Variants in PIK3AP1 observed in about 807,000 individuals in gnomAD.
The protein encoded by PIK3AP1 is phosphoinositide 3-kinase adapter protein 1.
PIK3AP1 carries 21 observed loss-of-function variants against 88.1 expected under a neutral mutation model. The ratio of observed to expected loss-of-function variants is 0.24; its 90% confidence interval spans 0.17 to 0.34. PIK3AP1 has a LOEUF of 0.34. Ranked by LOEUF, PIK3AP1 falls within the 10% of genes least tolerant of loss-of-function variation. PIK3AP1 has a pLI of 1.00. For missense variants in PIK3AP1, 828 were observed against 1,035.7 expected, an observed-to-expected ratio of 0.80 and a Z score of 2.75; for synonymous variants, 398 against 400.0, an observed-to-expected ratio of 1.00 and a Z score of 0.06.
At chr10:96,629,643 C>T (rs769950237) in intron 8 of PIK3AP1, among the ~76,000 whole-genome samples, 18 of 134,854 alleles carry the variant, frequency 1.3e-4, no homozygotes, top group Non-Finnish European at 2.0e-4. Context: ...TTTGGGAGGC[C>T]AAGGCAGAAG....
At chr10:96,707,349 G>A (rs1844377755) in intron 2 of PIK3AP1, among the ~76,000 whole-genome samples, 1 of 152,222 alleles carries the variant, frequency 6.6e-6, no homozygotes, top group African/African-American at 2.4e-5. Context: ...CTGGAGTGCA[G>A]TGGCACAATT....
intron 12 of PIK3AP1, among the ~76,000 whole-genome samples, chr10:96,617,674 A>T (rs1304588449): frequency 2.0e-5 from 3 of 152,208 alleles, no homozygotes; most frequent in African/African-American, 7.2e-5. Context: ...GAGCAGATGC[A>T]AGAGGACAAA....
rs114672012 is a variant in PIK3AP1, at chr10:96,676,303, C to T, written c.431-19369G>A. On this transcript the variant is annotated intron_variant, in intron 2 of 16. Transcript: ENST00000339364. ...TCTTTGCTTGTCTTTATCTGTGTGA[C>T]CTTGCTTTTTTTTTTTTTTTTTTGA... is the stretch of plus-strand genomic sequence containing the variant. Among the ~76,000 whole-genome samples, 648 of 147,302 alleles carry T rather than the reference C, an allele frequency of 4.4e-3. 6 individuals carry two copies. The highest frequency in any genetic ancestry group is 0.016 in the African/African-American group (620 of 38,132).
At chr10:96,682,077 T>C (rs761701302) in intron 2 of PIK3AP1, among the ~76,000 whole-genome samples, 5 of 151,410 alleles carry the variant, frequency 3.3e-5, no homozygotes, top group Non-Finnish European at 5.9e-5. Flanking sequence ...TGCACACAAA[T>C]ACTAGAGAAT....
intron 14 of PIK3AP1, among the ~76,000 whole-genome samples, chr10:96,604,380 T>G (rs11188851): frequency 1.6e-5 from 1 of 63,702 alleles, no homozygotes; most frequent in African/African-American, 5.6e-5. Flanking sequence ...TTTTTTTTTG[T>G]AGCAACAGGA....
chr10:96,664,941 C>T (rs1843741619), intron 2 of PIK3AP1, among the ~76,000 whole-genome samples: 1 of 142,612 alleles, frequency 7.0e-6, no homozygotes, highest in Non-Finnish European at 1.6e-5. Flanking sequence ...ATAAGCACTG[C>T]TCTTACCCAC....
intron 2 of PIK3AP1, among the ~76,000 whole-genome samples, chr10:96,667,527 C>T (rs962292552): frequency 2.6e-5 from 4 of 152,176 alleles, no homozygotes; most frequent in Non-Finnish European, 5.9e-5. Context: ...TCTAAGTACA[C>T]TGTCCAAGTC....
chr10:96,628,501 G>T lies in PIK3AP1; in HGVS notation c.1376-8C>A. The stretch of plus-strand genomic sequence containing the variant: ...CCTGAAGCATTTCAACATCTAGAAG[G>T]AAAAGGAGACTAAGAGTTATATATT... On this transcript the variant is annotated splice_polypyrimidine_tract_variant and splice_region_variant and intron_variant, in intron 8 of 16. Coordinates refer to ENST00000339364, the MANE Select transcript of PIK3AP1 (RefSeq NM_152309.3). 2.5e-6 allele frequency: 4 copies of T among 1,597,178 alleles called. No homozygotes were observed. The highest frequency in any genetic ancestry group is 3.4e-6 in the Non-Finnish European group (4 of 1,164,654).
chr10:96,712,756 C>A (rs1021180797), intron 1 of PIK3AP1, among the ~76,000 whole-genome samples: 1 of 152,196 alleles, frequency 6.6e-6, no homozygotes, highest in Non-Finnish European at 1.5e-5. Context: ...AGGACAGGTG[C>A]AAGACTTTAC....
chr10:96,688,709 A>T lies in PIK3AP1; in HGVS notation c.430+20858T>A, dbSNP rs528451948. On this transcript the variant is annotated intron_variant, in intron 2 of 16. Transcript: ENST00000339364. ...GCTACTCAGGATGCTGAGGCAGGAG[A>T]ATCACTTAAACCCAGGAGGCGGAGG... Among the ~76,000 whole-genome samples, 12 of 152,210 alleles carry T rather than the reference A, an allele frequency of 7.9e-5. No homozygotes were observed. In the South Asian group the frequency reaches 2.3e-3, roughly 29 times the overall value.
At chr10:96,640,420 C>A (rs1843368773) in intron 8 of PIK3AP1, among the ~76,000 whole-genome samples, 1 of 152,070 alleles carries the variant, frequency 6.6e-6, no homozygotes, top group Non-Finnish European at 1.5e-5. Flanking sequence ...AGTCACTGGG[C>A]AAGCTTTCAA....
In PIK3AP1 at chr10:96,609,765, C is replaced by T. The variant is rs1470584944; in HGVS notation, c.2117G>A (p.Arg706Lys). 3.1e-6 allele frequency: 5 copies of T among 1,614,132 alleles called. No homozygotes were observed. In the East Asian group the frequency reaches 1.1e-4, roughly 36 times the overall value. The change falls in exon 14 of 17, where the codon AGG (arginine) becomes AAG (lysine). Residue 706 changes from arginine to lysine, a missense_variant. This residue lies in a region of PIK3AP1 where 191 missense variants were observed against 208.6 expected (regional missense o/e 0.92). Coordinates refer to ENST00000339364, the MANE Select transcript of PIK3AP1 (RefSeq NM_152309.3). The stretch of plus-strand genomic sequence containing the variant: ...CCAGTCTCCTCGTCTCAGCTCCGTC[C>T]TAGGGGGAATGACACTTTTCCTGGG... ...SGPRKSVIPP[R>K]TELRRGDWKT...
chr10:96,612,980 ATATTTTTTTTTTTTTT>A (rs869093815), intron 13 of PIK3AP1, among the ~76,000 whole-genome samples: 16 of 36,968 alleles, frequency 4.3e-4, no homozygotes, highest in East Asian at 3.8e-3. Flanking sequence ...ATATATATAT[ATATTTTTTTTTTTTTT>A]TTTTTTTTTT....
chr10:96,674,602 G>A (rs1843891638), intron 2 of PIK3AP1, among the ~76,000 whole-genome samples: 1 of 152,344 alleles, frequency 6.6e-6, no homozygotes, highest in East Asian at 1.9e-4. Flanking sequence ...TTAGAATATA[G>A]TGAGAAATCA....
Position 96,626,899 on chromosome 10 carries a change from C to G in PIK3AP1, c.1478G>C (p.Ser493Thr), listed in dbSNP as rs749806469. ...SMIRKFLEGNSMGMTNLERDQ... is the reference protein window; with the variant it reads ...SMIRKFLEGNTMGMTNLERDQ... ...TCTCTCCAGATTGGTCATTCCCATG[C>G]TGTTGCCTAGAAACGCAGAGAAAGG... Residue 493 changes from serine (S) to threonine (T), a missense_variant, in exon 10 of 17, where the codon AGC (serine) becomes ACC (threonine). Ser to Thr is a moderately conservative substitution (Grantham distance 58). Coordinates refer to ENST00000339364, the MANE Select transcript of PIK3AP1 (RefSeq NM_152309.3). The G allele has an allele frequency of 2.5e-6, 4 of 1,613,674 alleles. No homozygotes were observed. The highest frequency in any genetic ancestry group is 3.4e-6 in the Non-Finnish European group (4 of 1,179,532).
At chr10:96,621,583 A>T (rs1843084620) in intron 11 of PIK3AP1, 1 of 152,248 alleles carries the variant, frequency 6.6e-6, no homozygotes, top group Admixed American at 6.5e-5. Flanking sequence ...TGAGCTCCAG[A>T]GCCTTGGCCC....
rs1843832347 is a variant in PIK3AP1, at chr10:96,670,583, C to T, written c.431-13649G>A. Among the ~76,000 whole-genome samples the T allele has an allele frequency of 3.9e-5, 6 of 152,158 alleles. 1 individual carries two copies. Among genetic ancestry groups the T allele is most frequent in the Admixed American group, 3.3e-4 (5 of 15,284 alleles). Reference sequence around the variant, plus strand: ...TGATGTGTCTGGGCCACAAGAAACACCTTCTATATGGGGGAAGGGCTGTGT... The same window carrying T: ...TGATGTGTCTGGGCCACAAGAAACATCTTCTATATGGGGGAAGGGCTGTGT... On this transcript the variant is annotated intron_variant, in intron 2 of 16. Coordinates refer to ENST00000339364, the MANE Select transcript of PIK3AP1 (RefSeq NM_152309.3).
In PIK3AP1 at chr10:96,701,137, G is replaced by A. The variant is rs1361466116; in HGVS notation, c.430+8430C>T. On this transcript the variant is annotated intron_variant, in intron 2 of 16. Coordinates refer to ENST00000339364, the MANE Select transcript of PIK3AP1 (RefSeq NM_152309.3). ...CTAGAGATTCCTATTCAGTAGGTCTGGGGTGGGGCCCAGGTATCCACATTT... is the reference window on the plus strand; with the variant it reads ...CTAGAGATTCCTATTCAGTAGGTCTAGGGTGGGGCCCAGGTATCCACATTT... 6.6e-5 allele frequency among the ~76,000 whole-genome samples: 10 copies of A among 152,218 alleles called. No homozygotes were observed. The East Asian group carries it at 1.7e-3, about 26-fold the overall frequency.
intron 2 of PIK3AP1, among the ~76,000 whole-genome samples, chr10:96,683,665 A>G (rs994489683): frequency 1.3e-5 from 2 of 152,234 alleles, no homozygotes; most frequent in Non-Finnish European, 2.9e-5. Flanking sequence ...CTATGTATTT[A>G]CAGCCGAACT....
Sources: allele counts gnomAD v4.1 joint callset (sites outside exome capture counted in the v4.1 genomes callset), GRCh38; gene constraint gnomAD v4.1.1; regional missense constraint gnomAD v4.1.1; transcripts MANE v1.5; gene names NCBI Gene and HGNC (gene_info 2026-07-23, HGNC 2026-07-21).